ZNF382: variants seen among roughly 807,000 people sequenced by gnomAD.
ZNF382 encodes the protein KRAB/zinc finger suppressor protein 1.
ZNF382 carries 20 observed loss-of-function variants against 38.8 expected under a neutral mutation model. The ratio of observed to expected loss-of-function variants is 0.51; its 90% CI spans 0.36 to 0.75. The LOEUF (loss-of-function observed/expected upper bound fraction) is 0.75. Among genes scored for constraint, ZNF382 ranks in the 30% least tolerant of loss-of-function variants. ZNF382 has a pLI of 0.00. For synonymous variants in ZNF382, 202 were observed against 223.1 expected (o/e 0.91, Z 0.84); for missense variants, 546 against 654.1 (o/e 0.83, Z 1.80).
intron 4 of ZNF382, among the ~76,000 whole-genome samples, chr19:36,611,092 T>C (rs760830370): frequency 3.9e-5 from 6 of 151,920 alleles, no homozygotes; most frequent in Non-Finnish European, 5.9e-5. Flanking sequence ...ATGGAGACCA[T>C]TTCTGGCTAA....
intron 1 of ZNF382, among the ~76,000 whole-genome samples, chr19:36,606,547 G>C (rs71356009): frequency 0.093 from 14,087 of 151,366 alleles, 725 homozygotes; most frequent in African/African-American, 0.14. Context: ...GTAGAGATGG[G>C]GTTTCACCAT....
chr19:36,622,912 A>C (rs2037180851), intron 4 of ZNF382, among the ~76,000 whole-genome samples: 1 of 152,136 alleles, frequency 6.6e-6, no homozygotes, highest in African/African-American at 2.4e-5. Context: ...AAATACCTTG[A>C]CTACTGTATA....
In ZNF382 at chr19:36,607,664, A is replaced by G. The variant is rs756460630; in HGVS notation, c.-14+42A>G. Reference sequence around the variant, plus strand: ...TCTCTTTCTGAAATAACTTTTTTTCATGGTGTATGAACATGAGCTTCACTG... The same window carrying G: ...TCTCTTTCTGAAATAACTTTTTTTCGTGGTGTATGAACATGAGCTTCACTG... On this transcript the variant is annotated intron_variant, in intron 2 of 4. Transcript: ENST00000292928. 4.7e-6 allele frequency: 7 copies of G among 1,497,484 alleles called. No homozygotes were observed. The South Asian group carries it at 5.2e-5, about 11-fold the overall frequency. 92.8% of individuals were successfully genotyped at this position (1,497,484 alleles called of 1,614,324 possible). A position where few individuals can be genotyped will look rare whatever the true frequency, so the allele number is the denominator to read the frequency against.
At chr19:36,614,080 C>T (rs1205549446) in intron 4 of ZNF382, among the ~76,000 whole-genome samples, 3 of 152,132 alleles carry the variant, frequency 2.0e-5, no homozygotes, top group Non-Finnish European at 2.9e-5. Context: ...TGGCTCATGC[C>T]TGTAACCCCA....
intron 4 of ZNF382, among the ~76,000 whole-genome samples, chr19:36,620,544 A>G (rs1306383282): frequency 1.3e-5 from 2 of 152,202 alleles, no homozygotes; most frequent in South Asian, 2.1e-4. Flanking sequence ...GCAAGCTACA[A>G]TCATCTGATG....
At position 36,629,135 on chromosome 19, in the gene ZNF382, A is replaced by G. The variant is rs1321327012; in HGVS notation, c.*1585A>G. The G allele has an allele frequency of 6.6e-6, 1 of 151,680 alleles. No homozygotes were observed. The highest frequency in any genetic ancestry group is 1.5e-5 in the Non-Finnish European group (1 of 67,954). 9.4% of individuals were successfully genotyped at this position (151,680 alleles called of 1,614,324 possible). The stretch of plus-strand genomic sequence containing the variant: ...CGCCACACGCACAGCTAATTTTCGT[A>G]TTTTTAGTAGAGACAGGGTTTCATC... On this transcript the variant is annotated 3_prime_UTR_variant, in exon 5 of 5. Coordinates refer to ENST00000292928, the MANE Select transcript of ZNF382 (RefSeq NM_032825.5).
chr19:36,610,463 AAAG>A, intron 3 of ZNF382, 184 bp from the exon 4 acceptor site: 3 of 471,344 alleles, frequency 6.4e-6, no homozygotes, highest in African/African-American at 2.0e-5. Context: ...CAAAAAAAAA[AAAG>A]AAAAGAAAAG....
At chr19:36,621,032 T>G (rs1356895785) in intron 4 of ZNF382, among the ~76,000 whole-genome samples, 1 of 152,178 alleles carries the variant, frequency 6.6e-6, no homozygotes, top group Admixed American at 6.5e-5. Flanking sequence ...GTGCTGGGAT[T>G]ACAGGCATGA....
At position 36,627,681 on chromosome 19, in the gene ZNF382, AACAC is replaced by A. The variant is rs10669183; in HGVS notation, c.*157_*160del. On this transcript the variant is annotated 3_prime_UTR_variant, in exon 5 of 5. Transcript: ENST00000292928. ...TAACCTACTGTTTGCCAGCCTGTAA[AACAC>A]ACACACACACACACACACACACACA... is the stretch of plus-strand genomic sequence containing the variant. The A allele has an allele frequency of 2.2e-3, 1,138 of 526,258 alleles. No homozygotes were observed. Among genetic ancestry groups the A allele is most frequent in the East Asian group, 3.4e-3 (110 of 32,450 alleles). 32.6% of individuals were successfully genotyped at this position (526,258 alleles called of 1,614,324 possible).
Position 36,627,097 on chromosome 19 carries a change from A to G in ZNF382, c.1200A>G (p.Arg400=), listed in dbSNP as rs1025700489. The G allele has an allele frequency of 9.3e-6, 15 of 1,614,192 alleles. No individual in the cohort carries two copies. The highest frequency in any genetic ancestry group is 1.3e-5 in the Non-Finnish European group (15 of 1,180,038). ...RKKSYLIDHQ[R]THTGEKPYQC... ...AGTCATACCTCATTGATCACCAGAGAACTCACACAGGAGAGAAACCGTATC... is the reference window on the plus strand; with the variant it reads ...AGTCATACCTCATTGATCACCAGAGGACTCACACAGGAGAGAAACCGTATC... Residue 400 remains arginine (R), a synonymous_variant, in exon 5 of 5, where the codon AGA becomes AGG. Coordinates refer to ENST00000292928, the MANE Select transcript of ZNF382 (RefSeq NM_032825.5).
At chr19:36,615,486 C>A (rs1293372175) in intron 4 of ZNF382, among the ~76,000 whole-genome samples, 5 of 152,136 alleles carry the variant, frequency 3.3e-5, no homozygotes, top group African/African-American at 1.2e-4. Context: ...TAGTGTTTAA[C>A]AGATCCAAAG....
At chr19:36,619,028 A>AAAAT (rs969081033) in intron 4 of ZNF382, among the ~76,000 whole-genome samples, 3 of 152,172 alleles carry the variant, frequency 2.0e-5, no homozygotes, top group East Asian at 1.9e-4. Context: ...TCTGTCTCCA[A>AAAAT]AAATAAATAA....
chr19:36,630,262 G>C lies in ZNF382; in HGVS notation c.*2712G>C, dbSNP rs2037245084. On this transcript the variant is annotated 3_prime_UTR_variant, in exon 5 of 5. Transcript: ENST00000292928. ...CCCGTGCTGTCATTTCTCAACAAAG[G>C]CGCAGAGAGAAATCAAGGTATGGAA... The C allele has an allele frequency of 6.6e-6, 1 of 152,104 alleles. No individual in the cohort carries two copies. The highest frequency in any genetic ancestry group is 2.4e-5 in the African/African-American group (1 of 41,428). The allele number at this position is 152,104 out of a possible 1,614,324, so 9.4% of individuals were successfully genotyped here. A position where few individuals can be genotyped will look rare whatever the true frequency, so the allele number is the denominator to read the frequency against.
Position 36,626,504 on chromosome 19 carries a change from C to G in ZNF382, c.607C>G (p.Gln203Glu), listed in dbSNP as rs2037214551. ...LSGKQELIQH[Q>E]KVQAPEQPFD... ...TGGTAAACAGGAGCTTATTCAGCAT[C>G]AGAAGGTTCAAGCTCCAGAGCAACC... The change falls in exon 5 of 5, where the codon CAG becomes GAG. Residue 203 changes from glutamine (Q) to glutamate (E), a missense_variant. Physicochemically the swap from Gln to Glu is conservative, Grantham distance 29 (BLOSUM62 2). Coordinates refer to ENST00000292928, the MANE Select transcript of ZNF382 (RefSeq NM_032825.5). The G allele has an allele frequency of 1.2e-6, 2 of 1,605,978 alleles. No individual in the cohort carries two copies. The highest frequency in any genetic ancestry group is 1.7e-5 in the Admixed American group (1 of 57,996).
Position 36,633,578 on chromosome 19 carries a change from T to C in ZNF382, c.*6028T>C, listed in dbSNP as rs1422243423. 3.3e-5 allele frequency: 5 copies of C among 152,054 alleles called. No individual in the cohort carries two copies. The highest frequency in any genetic ancestry group is 2.9e-5 in the Non-Finnish European group (2 of 68,010). The allele number at this position is 152,054 out of a possible 1,614,324, so 9.4% of individuals were successfully genotyped here. A position where few individuals can be genotyped will look rare whatever the true frequency, so the allele number is the denominator to read the frequency against. ...CAATATGACCCAGCAATCCCACTTA[T>C]AAGTACTTATCCTAGAGAAATGAAA... On this transcript the variant is annotated 3_prime_UTR_variant, in exon 5 of 5. Transcript: ENST00000292928.
chr19:36,609,848 T>C, intron 2 of ZNF382, 54 bp from the exon 3 acceptor site: 1 of 1,481,662 alleles, frequency 6.7e-7, no homozygotes, highest in South Asian at 1.4e-5. Flanking sequence ...CCAGTAAACA[T>C]TGTCAGTACT....
In ZNF382 at chr19:36,633,751, A is replaced by T. The variant is rs545302218; in HGVS notation, c.*6201A>T. 1.3e-5 allele frequency: 2 copies of T among 152,322 alleles called. No homozygotes were observed. The highest frequency in any genetic ancestry group is 3.9e-4 in the East Asian group (2 of 5,174). 9.4% of individuals were successfully genotyped at this position (152,322 alleles called of 1,614,324 possible). A position where few individuals can be genotyped will look rare whatever the true frequency, so the allele number is the denominator to read the frequency against. On this transcript the variant is annotated 3_prime_UTR_variant, in exon 5 of 5. Coordinates refer to ENST00000292928, the MANE Select transcript of ZNF382 (RefSeq NM_032825.5). ...AGATGGAATTCTACTCAACGATAACAATAATGAGCTACTGAAACATGCAGC... is the reference window on the plus strand; with the variant it reads ...AGATGGAATTCTACTCAACGATAACTATAATGAGCTACTGAAACATGCAGC...
At chr19:36,620,773 A>C (rs1260183070) in intron 4 of ZNF382, among the ~76,000 whole-genome samples, 1 of 147,928 alleles carries the variant, frequency 6.8e-6, no homozygotes, top group Non-Finnish European at 1.5e-5. Flanking sequence ...TTTTTTTTTT[A>C]ATTGAGATGG....
In ZNF382 at chr19:36,629,298, A is replaced by G. The variant is rs1210039885; in HGVS notation, c.*1748A>G. ...AAAGAAGTCTAGCCATACCGAGACC[A>G]TAATGCTAGGAAGTCTATGTGTAGG... is the stretch of plus-strand genomic sequence containing the variant. On this transcript the variant is annotated 3_prime_UTR_variant, in exon 5 of 5. Coordinates refer to ENST00000292928, the MANE Select transcript of ZNF382 (RefSeq NM_032825.5). 3 of 152,162 alleles carry G rather than the reference A, an allele frequency of 2.0e-5. No individual in the cohort carries two copies. The highest frequency in any genetic ancestry group is 1.3e-4 in the Admixed American group (2 of 15,264). The allele number at this position is 152,162 out of a possible 1,614,324, so 9.4% of individuals were successfully genotyped here. A position where few individuals can be genotyped will look rare whatever the true frequency, so the allele number is the denominator to read the frequency against.
Sources: allele counts gnomAD v4.1 joint callset (sites outside exome capture counted in the v4.1 genomes callset), GRCh38; gene constraint gnomAD v4.1.1; transcripts MANE v1.5; gene names NCBI Gene and HGNC (gene_info 2026-07-23, HGNC 2026-07-21).